The following FOXL3 variants were observed in gnomAD, a reference collection of about 807,000 sequenced individuals.
FOXL3 encodes the protein forkhead box protein L3.
Under a neutral mutation model 10.9 loss-of-function variants are expected in FOXL3, and 16 were observed. The observed-to-expected ratio is 1.46, with a 90% CI of 0.99 to 2.22. The LOEUF is 2.22. FOXL3 is among the 30% of genes most tolerant of loss of function. The pLI, the probability that FOXL3 is intolerant of heterozygous loss-of-function variation, is 0.00. For synonymous variants in FOXL3, 170 were observed against 152.0 expected, an observed-to-expected ratio of 1.12 and a Z score of -0.87; for missense variants, 400 against 337.9, an observed-to-expected ratio of 1.18 and a Z score of -1.44.
In FOXL3 at chr7:290,701, G is replaced by A. The variant is rs770499923; in HGVS notation, c.156G>A (p.Arg52=). The change falls in exon 2 of 3, where the codon AGG becomes AGA. Residue 52 remains arginine, a synonymous_variant. Transcript: ENST00000506382. ...CCATTCAGCAGAGCCCCGCGGGGAG[G>A]GTGACCCTGTCCGGCATCTACGACT... The part of the protein sequence containing the change: ...AMAIQQSPAG[R]VTLSGIYDFI... 6.8e-7 allele frequency: 1 copy of A among 1,467,998 alleles called. No individual in the cohort carries two copies. Among genetic ancestry groups the A allele is most frequent in the Non-Finnish European group, 9.0e-7 (1 of 1,116,250 alleles). The allele number at this position is 1,467,998 out of a possible 1,614,324, so 90.9% of individuals were successfully genotyped here. A position where few individuals can be genotyped will look rare whatever the true frequency, so the allele number is the denominator to read the frequency against.
rs1450903373 is a variant in FOXL3, at chr7:291,124, G to A, written c.338G>A (p.Cys113Tyr). 2 of 1,405,060 alleles carry A rather than the reference G, an allele frequency of 1.4e-6. No individual in the cohort carries two copies. Among genetic ancestry groups the A allele is most frequent in the African/African-American group, 1.5e-5 (1 of 66,140 alleles). The allele number at this position is 1,405,060 out of a possible 1,614,324, so 87.0% of individuals were successfully genotyped here. A position where few individuals can be genotyped will look rare whatever the true frequency, so the allele number is the denominator to read the frequency against. Residue 113 changes from cysteine (C) to tyrosine (Y), a missense_variant, in exon 3 of 3, where the codon TGC (cysteine) becomes TAC (tyrosine). By Grantham distance (194) the Cys-to-Tyr change is radical (BLOSUM62 -2). Transcript: ENST00000506382. ...KGNYWTFAGG[C>Y]ESLLDLFENG... ...AACTACTGGACGTTCGCGGGCGGCTGCGAGTCGCTGCTGGACCTCTTCGAG... is the reference window on the plus strand; with the variant it reads ...AACTACTGGACGTTCGCGGGCGGCTACGAGTCGCTGCTGGACCTCTTCGAG...
chr7:290,479 A>T (rs1055482602), intron 1 of FOXL3, among the ~76,000 whole-genome samples, 174 bp from the exon 2 acceptor site: 4 of 149,354 alleles, frequency 2.7e-5, no homozygotes, highest in Non-Finnish European at 4.5e-5. Context: ...GGGCCTCCGC[A>T]GGTCGGGAAA....
Position 291,130 on chromosome 7 carries a change from C to A in FOXL3, c.344C>A (p.Ser115Ter). The change falls in exon 3 of 3, where the codon TCG becomes TAG. Residue 115 changes from serine (S) to a stop codon, truncating the protein, a stop_gained. Transcript: ENST00000506382. LOFTEE classifies it low-confidence loss of function (END_TRUNC). Reference sequence around the variant, plus strand: ...TGGACGTTCGCGGGCGGCTGCGAGTCGCTGCTGGACCTCTTCGAGAACGGC... The same window carrying A: ...TGGACGTTCGCGGGCGGCTGCGAGTAGCTGCTGGACCTCTTCGAGAACGGC... ...NYWTFAGGCE[S>*]LLDLFENGNY... 4 of 1,390,880 alleles carry A rather than the reference C, an allele frequency of 2.9e-6. No homozygotes were observed. Among genetic ancestry groups the A allele is most frequent in the Non-Finnish European group, 2.8e-6 (3 of 1,070,706 alleles). The allele number at this position is 1,390,880 out of a possible 1,614,324, so 86.2% of individuals were successfully genotyped here.
chr7:290,299 G>A (rs1778611510), intron 1 of FOXL3, 23 bp downstream of exon 1: 9 of 1,515,816 alleles, frequency 5.9e-6, no homozygotes, highest in Non-Finnish European at 8.0e-6. Flanking sequence ...GCGGTGCTGG[G>A]GCTTTGGGGG....
chr7:290,242 G>A lies in FOXL3; in HGVS notation c.73G>A (p.Asp25Asn), dbSNP rs1438518835. 3.9e-6 allele frequency: 6 copies of A among 1,535,990 alleles called. No individual in the cohort carries two copies. The Admixed American group carries it at 5.9e-5, about 15-fold the overall frequency. The stretch of plus-strand genomic sequence containing the variant: ...CGACGACTACCCCGCCGGCAGCTCC[G>A]ACGAAGACAAGAGGCTCACGCGGCC... ...DADDYPAGSS[D>N]EDKRLTRPAY... The change falls in exon 1 of 3, where the codon GAC becomes AAC. Residue 25 changes from aspartate to asparagine, a missense_variant. Transcript: ENST00000506382.
chr7:290,567 C>T, intron 1 of FOXL3, 86 bp from the exon 2 acceptor site: 2 of 1,311,900 alleles, frequency 1.5e-6, no homozygotes, highest in Non-Finnish European at 2.0e-6. Flanking sequence ...GCTCCTCCGC[C>T]TCTGCGCCCC....
chr7:290,963 T>G, intron 2 of FOXL3, 100 bp from the exon 3 acceptor site: 1 of 1,276,190 alleles, frequency 7.8e-7, no homozygotes, highest in South Asian at 2.4e-5. Context: ...ACCTGCGCAG[T>G]GCGCCACCCT....
Position 290,652 on chromosome 7 carries a change from G to T in FOXL3, c.108-1G>T, listed in dbSNP as rs2115224717. 7.1e-7 allele frequency: 1 copy of T among 1,411,404 alleles called. No homozygotes were observed. Among genetic ancestry groups the T allele is most frequent in the Non-Finnish European group, 9.2e-7 (1 of 1,086,556 alleles). The allele number at this position is 1,411,404 out of a possible 1,614,324, so 87.4% of individuals were successfully genotyped here. A position where few individuals can be genotyped will look rare whatever the true frequency, so the allele number is the denominator to read the frequency against. On this transcript the variant is annotated splice_acceptor_variant, in intron 1 of 2. Coordinates refer to ENST00000506382, the MANE Select transcript of FOXL3 (RefSeq NM_001374838.1). LOFTEE classifies it high-confidence loss of function. ...CCCCGCCTGACCCCCGGGCTCCGCA[G>T]CTACATCGCCTTGATCGCCATGGCC...
At position 290,798 on chromosome 7, in the gene FOXL3, T is replaced by C; in HGVS notation, c.253T>C (p.Ser85Pro). The change falls in exon 2 of 3, where the codon TCC becomes CCC. Residue 85 changes from serine to proline, a missense_variant. By Grantham distance (74) the Ser-to-Pro change is moderately conservative. Coordinates refer to ENST00000506382, the MANE Select transcript of FOXL3 (RefSeq NM_001374838.1). ...AWQNSIRHNLSLNSCFVKVPR... is the reference protein window; with the variant it reads ...AWQNSIRHNLPLNSCFVKVPR... ...GCAGAACTCCATCCGCCACAACCTG[T>C]CCCTCAACAGCTGCTTCGTCAAGGT... 1 of 1,500,690 alleles carries C rather than the reference T, an allele frequency of 6.7e-7. No individual in the cohort carries two copies. The highest frequency in any genetic ancestry group is 8.9e-7 in the Non-Finnish European group (1 of 1,129,330). 93.0% of individuals were successfully genotyped at this position (1,500,690 alleles called of 1,614,324 possible).
Position 291,312 on chromosome 7 carries a change from G to C in FOXL3, c.526G>C (p.Glu176Gln). ...DSAGEGAPGR[E>Q]PPASPAPPGK... The stretch of plus-strand genomic sequence containing the variant: ...CGCTGGCGAGGGCGCCCCGGGCCGT[G>C]AGCCCCCCGCCAGCCCCGCTCCCCC... Residue 176 changes from glutamate (E) to glutamine (Q), a missense_variant, in exon 3 of 3, where the codon GAG becomes CAG. Glu to Gln is a conservative substitution (Grantham distance 29, BLOSUM62 2). Coordinates refer to ENST00000506382, the MANE Select transcript of FOXL3 (RefSeq NM_001374838.1). The C allele has an allele frequency of 8.0e-7, 1 of 1,255,022 alleles. No individual in the cohort carries two copies. The allele number at this position is 1,255,022 out of a possible 1,614,324, so 77.7% of individuals were successfully genotyped here. A position where few individuals can be genotyped will look rare whatever the true frequency, so the allele number is the denominator to read the frequency against.
intron 1 of FOXL3, 50 bp downstream of exon 1, chr7:290,326 C>T: frequency 7.1e-7 from 1 of 1,406,386 alleles, no homozygotes; most frequent in South Asian, 1.2e-5. Flanking sequence ...ACACCCCCTG[C>T]AAGGGTCCCA....
Position 291,329 on chromosome 7 carries a change from C to T in FOXL3, c.543C>T (p.Pro181=), listed in dbSNP as rs1425581737. ...GAPGREPPAS[P]APPGKEHPRD... Reference sequence around the variant, plus strand: ...CGGGCCGTGAGCCCCCCGCCAGCCCCGCTCCCCCGGGGAAGGAGCACCCCC... The same window carrying T: ...CGGGCCGTGAGCCCCCCGCCAGCCCTGCTCCCCCGGGGAAGGAGCACCCCC... Residue 181 remains proline, a synonymous_variant, in exon 3 of 3, where the codon CCC becomes CCT. Coordinates refer to ENST00000506382, the MANE Select transcript of FOXL3 (RefSeq NM_001374838.1). 3.1e-6 allele frequency: 4 copies of T among 1,271,288 alleles called. No individual in the cohort carries two copies. Among genetic ancestry groups the T allele is most frequent in the East Asian group, 3.1e-5 (1 of 32,116 alleles). 78.8% of individuals were successfully genotyped at this position (1,271,288 alleles called of 1,614,324 possible).
At position 290,313 on chromosome 7, in the gene FOXL3, G is replaced by T. The variant is rs1435360839; in HGVS notation, c.107+37G>T. 6 of 1,465,622 alleles carry T rather than the reference G, an allele frequency of 4.1e-6. No individual in the cohort carries two copies. The South Asian group carries it at 7.3e-5, about 18-fold the overall frequency. 90.8% of individuals were successfully genotyped at this position (1,465,622 alleles called of 1,614,324 possible). A position where few individuals can be genotyped will look rare whatever the true frequency, so the allele number is the denominator to read the frequency against. ...GGCGGTGCTGGGGCTTTGGGGGACA[G>T]TGACACCCCCTGCAAGGGTCCCAGG... is the stretch of plus-strand genomic sequence containing the variant. On this transcript the variant is annotated intron_variant, in intron 1 of 2. Transcript: ENST00000506382.
intron 1 of FOXL3, 34 bp from the exon 2 acceptor site, chr7:290,619 G>C: frequency 1.4e-6 from 2 of 1,414,834 alleles, no homozygotes; most frequent in Non-Finnish European, 1.8e-6. Context: ...GGGGCTGCCC[G>C]GTGGAGACCC....
intron 1 of FOXL3, 34 bp from the exon 2 acceptor site, chr7:290,619 G>A (rs1583366073): frequency 1.1e-5 from 16 of 1,414,834 alleles, no homozygotes; most frequent in East Asian, 2.6e-5. Context: ...GGGGCTGCCC[G>A]GTGGAGACCC....
chr7:291,330 G>A lies in FOXL3; in HGVS notation c.544G>A (p.Ala182Thr). 3 of 1,269,594 alleles carry A rather than the reference G, an allele frequency of 2.4e-6. No individual in the cohort carries two copies. Among genetic ancestry groups the A allele is most frequent in the African/African-American group, 1.5e-5 (1 of 64,828 alleles). 78.6% of individuals were successfully genotyped at this position (1,269,594 alleles called of 1,614,324 possible). Residue 182 changes from alanine (A) to threonine (T), a missense_variant, in exon 3 of 3, where the codon GCT becomes ACT. By Grantham distance (58) the Ala-to-Thr change is moderately conservative. Transcript: ENST00000506382. ...GGGCCGTGAGCCCCCCGCCAGCCCC[G>A]CTCCCCCGGGGAAGGAGCACCCCCG... ...APGREPPASP[A>T]PPGKEHPRDL...
Position 291,233 on chromosome 7 carries a change from G to T in FOXL3, c.447G>T (p.Gly149=). The change falls in exon 3 of 3, where the codon GGG becomes GGT. Residue 149 remains glycine, a synonymous_variant. Coordinates refer to ENST00000506382, the MANE Select transcript of FOXL3 (RefSeq NM_001374838.1). ...PRGPRAGGAQ[G]PSGPSEPPAA... ...GTCCGCGCGCGGGGGGCGCCCAGGG[G>T]CCGTCGGGTCCGTCCGAGCCGCCCG... 1 of 1,163,020 alleles carries T rather than the reference G, an allele frequency of 8.6e-7. No individual in the cohort carries two copies. Among genetic ancestry groups the T allele is most frequent in the Non-Finnish European group, 1.1e-6 (1 of 944,762 alleles). 72.0% of individuals were successfully genotyped at this position (1,163,020 alleles called of 1,614,324 possible).
In FOXL3 at chr7:291,126, G is replaced by A; in HGVS notation, c.340G>A (p.Glu114Lys). 1.4e-6 allele frequency: 2 copies of A among 1,405,348 alleles called. No homozygotes were observed. The highest frequency in any genetic ancestry group is 1.9e-6 in the Non-Finnish European group (2 of 1,078,926). 87.1% of individuals were successfully genotyped at this position (1,405,348 alleles called of 1,614,324 possible). ...GNYWTFAGGC[E>K]SLLDLFENGN... is the part of the protein sequence containing the mutation. ...CTACTGGACGTTCGCGGGCGGCTGCGAGTCGCTGCTGGACCTCTTCGAGAA... is the reference window on the plus strand; with the variant it reads ...CTACTGGACGTTCGCGGGCGGCTGCAAGTCGCTGCTGGACCTCTTCGAGAA... Residue 114 changes from glutamate (E) to lysine (K), a missense_variant, in exon 3 of 3, where the codon GAG becomes AAG. By Grantham distance (56) the Glu-to-Lys change is moderately conservative (BLOSUM62 1). Transcript: ENST00000506382.
Position 291,208 on chromosome 7 carries a change from G to C in FOXL3, c.422G>C (p.Gly141Ala). 8.5e-7 allele frequency: 1 copy of C among 1,173,402 alleles called. No individual in the cohort carries two copies. Among genetic ancestry groups the C allele is most frequent in the East Asian group, 3.9e-5 (1 of 25,830 alleles). The allele number at this position is 1,173,402 out of a possible 1,614,324, so 72.7% of individuals were successfully genotyped here. The change falls in exon 3 of 3, where the codon GGT becomes GCT. Residue 141 changes from glycine (G) to alanine (A), a missense_variant. Transcript: ENST00000506382. ...GGCCCCAAGCGCGAGGGGCCGAGGG[G>C]TCCGCGCGCGGGGGGCGCCCAGGGG... is the stretch of plus-strand genomic sequence containing the variant. ...RRGPKREGPR[G>A]PRAGGAQGPS...
Sources: allele counts gnomAD v4.1 joint callset (sites outside exome capture counted in the v4.1 genomes callset), GRCh38; gene constraint gnomAD v4.1.1; transcripts MANE v1.5; gene names NCBI Gene and HGNC (gene_info 2026-07-23, HGNC 2026-07-21).